COX10: variants seen among roughly 807,000 people sequenced by gnomAD.
The protein encoded by COX10 is protoheme IX farnesyltransferase, mitochondrial.
A neutral mutation model predicts 37.3 loss-of-function variants in COX10; 27 were observed. The ratio of observed to expected loss-of-function variants is 0.72; its 90% confidence interval spans 0.53 to 1.00. The LOEUF (loss-of-function observed/expected upper bound fraction) is 1.00, where lower values mean the gene tolerates loss of function less well. Ranked by LOEUF, COX10 falls within the 50% of genes least tolerant of loss-of-function variation. The pLI, the probability that COX10 is intolerant of heterozygous loss-of-function variation, is 0.00. For missense variants in COX10, 475 were observed against 563.2 expected, an observed-to-expected ratio of 0.84 and a Z score of 1.59; for synonymous variants, 222 against 229.1, an observed-to-expected ratio of 0.97 and a Z score of 0.28.
chr17:14,189,537 T>C (rs1906138172), intron 5 of COX10, among the ~76,000 whole-genome samples: 2 of 152,252 alleles, frequency 1.3e-5, no homozygotes, highest in South Asian at 4.1e-4. Flanking sequence ...TTGCTTCTGT[T>C]TTAGCAGAAT....
intron 5 of COX10, among the ~76,000 whole-genome samples, chr17:14,162,940 T>A (rs1165564036): frequency 1.3e-5 from 2 of 152,224 alleles, no homozygotes; most frequent in African/African-American, 4.8e-5. Context: ...TTGGCAACAC[T>A]GAAATCCGAA....
At chr17:14,163,245 A>G (rs1019500939) in intron 5 of COX10, among the ~76,000 whole-genome samples, 4 of 150,550 alleles carry the variant, frequency 2.7e-5, no homozygotes, top group Non-Finnish European at 3.0e-5. Context: ...AAATTTATTT[A>G]TTTATTTATT....
At chr17:14,095,679 G>T (rs1164943482) in intron 3 of COX10, among the ~76,000 whole-genome samples, 6 of 152,218 alleles carry the variant, frequency 3.9e-5, no homozygotes, top group Non-Finnish European at 8.8e-5. Flanking sequence ...TGAATTCAAG[G>T]TGTTGGTTGA....
chr17:14,141,308 G>A (rs962994272), intron 4 of COX10, among the ~76,000 whole-genome samples: 8 of 151,934 alleles, frequency 5.3e-5, no homozygotes, highest in Non-Finnish European at 1.0e-4. Flanking sequence ...GGGAGGACGA[G>A]GTGGGCAGAT....
intron 4 of COX10, among the ~76,000 whole-genome samples, chr17:14,115,205 A>C (rs1916082394): frequency 6.6e-6 from 1 of 152,154 alleles, no homozygotes. Context: ...AATTCATCAG[A>C]TCTGTCATTT....
At chr17:14,199,953 G>A (rs994577688) in intron 6 of COX10, among the ~76,000 whole-genome samples, 15 of 152,152 alleles carry the variant, frequency 9.9e-5, no homozygotes, top group African/African-American at 2.2e-4. Flanking sequence ...TGGAGCAGAC[G>A]CGCTACCGTG....
At chr17:14,078,681 C>T (rs1304987391) in intron 3 of COX10, among the ~76,000 whole-genome samples, 1 of 152,180 alleles carries the variant, frequency 6.6e-6, no homozygotes, top group African/African-American at 2.4e-5. Flanking sequence ...GCCCCGCTTA[C>T]CCTGCCGTTC....
At chr17:14,132,994 T>G (rs1268685053) in intron 4 of COX10, among the ~76,000 whole-genome samples, 2 of 151,736 alleles carry the variant, frequency 1.3e-5, no homozygotes, top group Admixed American at 6.6e-5. Flanking sequence ...ATTTGGAAAT[T>G]TTGTTGAGAT....
intron 3 of COX10, among the ~76,000 whole-genome samples, chr17:14,087,101 T>C (rs1038524484): frequency 3.3e-5 from 5 of 152,326 alleles, no homozygotes; most frequent in Admixed American, 3.3e-4. Context: ...AGCTGATGTT[T>C]GTTGAGCATC....
chr17:14,122,597 CA>C (rs1916255506), intron 4 of COX10, among the ~76,000 whole-genome samples: 1 of 152,046 alleles, frequency 6.6e-6, no homozygotes, highest in African/African-American at 2.4e-5. Flanking sequence ...TGGTTGGTGG[CA>C]GTGACTGTTG....
Position 14,113,245 on chromosome 17 carries a change from A to G in COX10, c.624+11003A>G, listed in dbSNP as rs140327068. Among the ~76,000 whole-genome samples, 35 of 152,224 alleles carry G rather than the reference A, an allele frequency of 2.3e-4. No individual in the cohort carries two copies. In the East Asian group the frequency reaches 6.4e-3, roughly 28 times the overall value. On this transcript the variant is annotated intron_variant, in intron 4 of 6. Coordinates refer to ENST00000261643, the MANE Select transcript of COX10 (RefSeq NM_001303.4). ...TTCAATATCTTCATTTTCTCATCAC[A>G]GAAAGCACCAAAAATCAGCCCATGC...
chr17:14,207,030 C>A lies in COX10; in HGVS notation c.1149C>A (p.Ile383=). ...VLDITTWTFP[I]MALPINAYIS... ...ACATCACCACATGGACCTTCCCCAT[C>A]ATGGCCCTTCCCATCAATGCGTACA... The change falls in exon 7 of 7, where the codon ATC becomes ATA. Residue 383 remains isoleucine (I), a synonymous_variant. Transcript: ENST00000261643. 1 of 1,614,110 alleles carries A rather than the reference C, an allele frequency of 6.2e-7. No individual in the cohort carries two copies. The highest frequency in any genetic ancestry group is 1.1e-5 in the South Asian group (1 of 91,092).
At chr17:14,185,220 C>T (rs1217811503) in intron 5 of COX10, among the ~76,000 whole-genome samples, 1 of 149,846 alleles carries the variant, frequency 6.7e-6, no homozygotes, top group Non-Finnish European at 1.5e-5. Context: ...TGTGTGTGTG[C>T]CTGTGTGCGT....
chr17:14,195,820 C>A (rs1489738322), intron 6 of COX10, among the ~76,000 whole-genome samples: 1 of 152,062 alleles, frequency 6.6e-6, no homozygotes, highest in Admixed American at 6.5e-5. Flanking sequence ...CTGCTGATGC[C>A]CCTGGTCCAG....
At chr17:14,156,422 G>A (rs539400945) in intron 4 of COX10, among the ~76,000 whole-genome samples, 1 of 152,038 alleles carries the variant, frequency 6.6e-6, no homozygotes, top group East Asian at 1.9e-4. Flanking sequence ...GTAGAGACGG[G>A]GTTTCATCAT....
At chr17:14,090,769 T>G (rs1383355593) in intron 3 of COX10, among the ~76,000 whole-genome samples, 2 of 152,170 alleles carry the variant, frequency 1.3e-5, no homozygotes, top group African/African-American at 4.8e-5. Flanking sequence ...CCTTCTATGT[T>G]CAGAGTTCCT....
chr17:14,082,424 A>AAAG (rs1485194542), intron 3 of COX10, among the ~76,000 whole-genome samples: 3 of 152,122 alleles, frequency 2.0e-5, no homozygotes. Context: ...GTCTTCTTAG[A>AAAG]CTCTTAAATG....
At chr17:14,133,214 G>A (rs1283804368) in intron 4 of COX10, among the ~76,000 whole-genome samples, 1 of 151,554 alleles carries the variant, frequency 6.6e-6, no homozygotes, top group Non-Finnish European at 1.5e-5. Flanking sequence ...ATAATCAAAA[G>A]TATTGAAGAA....
intron 5 of COX10, among the ~76,000 whole-genome samples, chr17:14,178,305 G>C (rs28502843): frequency 0.13 from 10,191 of 79,266 alleles, 189 homozygotes; most frequent in East Asian, 0.31. Flanking sequence ...TTTGCCCTAG[G>C]AGATTATAGC....
Sources: allele counts gnomAD v4.1 joint callset (sites outside exome capture counted in the v4.1 genomes callset), GRCh38; gene constraint gnomAD v4.1.1; transcripts MANE v1.5; gene names NCBI Gene and HGNC (gene_info 2026-07-23, HGNC 2026-07-21).